Variants in MBP observed in about 807,000 individuals in gnomAD.
The protein encoded by MBP is myelin basic protein.
Under a neutral mutation model 35.8 loss-of-function variants are expected in MBP, and 16 were observed. That is an observed-to-expected ratio of 0.45 (90% confidence interval 0.30 to 0.68). The LOEUF (loss-of-function observed/expected upper bound fraction) is 0.68, where lower values mean the gene tolerates loss of function less well. MBP is among the 30% of genes least tolerant of loss of function. The pLI is 0.08. For missense variants in MBP, 380 were observed against 404.7 expected (o/e 0.94, Z 0.52); for synonymous variants, 143 against 159.6 (o/e 0.90, Z 0.78).
At chr18:76,987,090 A>C in intron 7 of MBP, 1 of 985,464 alleles carries the variant, frequency 1.0e-6, no homozygotes, top group Non-Finnish European at 1.2e-6. Context: ...GCAGGGAGGA[A>C]TGCAAGGGTC....
chr18:77,057,363 A>T (rs1226001057), intron 3 of MBP, among the ~76,000 whole-genome samples: 1 of 152,018 alleles, frequency 6.6e-6, no homozygotes, highest in East Asian at 1.9e-4. Context: ...TCATCCCCCA[A>T]CTTGTGATTT....
chr18:77,039,358 G>A (rs78869223), intron 3 of MBP, among the ~76,000 whole-genome samples: 1 of 152,342 alleles, frequency 6.6e-6, no homozygotes, highest in Non-Finnish European at 1.5e-5. Flanking sequence ...CAACTCAGAA[G>A]TCAGATTTTT....
At chr18:77,051,309 G>A (rs1973479540) in intron 3 of MBP, among the ~76,000 whole-genome samples, 1 of 152,202 alleles carries the variant, frequency 6.6e-6, no homozygotes, top group African/African-American at 2.4e-5. Context: ...GGCGAATGAC[G>A]CGAGCATCTC....
rs1442214571 is a variant in MBP at position 77,028,999 on chromosome 18, C to T, written c.140-11731G>A. ...CCAGGCAGAGACGCTCCTCACTTCC[C>T]AGACGGGGTGGCGGCCGGGCAGAGG... On this transcript the variant is annotated intron_variant, in intron 3 of 8. Coordinates refer to ENST00000355994, the MANE Select transcript of MBP (RefSeq NM_001025101.2). Among the ~76,000 whole-genome samples, 3 of 111,058 alleles carry T rather than the reference C, an allele frequency of 2.7e-5. 1 individual carries two copies. Among genetic ancestry groups the T allele is most frequent in the South Asian group, 5.8e-4 (2 of 3,476 alleles). 72.9% of individuals were successfully genotyped at this position (111,058 alleles called of 152,430 possible). A position where few individuals can be genotyped will look rare whatever the true frequency, so the allele number is the denominator to read the frequency against.
At chr18:77,118,685 A>C (rs1339802574) in intron 1 of MBP, among the ~76,000 whole-genome samples, 2 of 139,028 alleles carry the variant, frequency 1.4e-5, no homozygotes, top group Non-Finnish European at 3.1e-5. Context: ...CACACACACC[A>C]CACACACACT....
At chr18:77,118,613 C>CAG (rs1491437224) in intron 1 of MBP, among the ~76,000 whole-genome samples, 3 of 30,674 alleles carry the variant, frequency 9.8e-5, no homozygotes, top group Non-Finnish European at 2.6e-4. Context: ...CCACAGACAC[C>CAG]ACACACACAC....
At chr18:77,090,980 C>T (rs1975496288) in intron 2 of MBP, among the ~76,000 whole-genome samples, 1 of 152,240 alleles carries the variant, frequency 6.6e-6, no homozygotes, top group Non-Finnish European at 1.5e-5. Flanking sequence ...AGCTGGAGCC[C>T]AGGCCTGCTG....
At chr18:77,097,060 G>T (rs527237149) in intron 2 of MBP, among the ~76,000 whole-genome samples, 49 of 152,322 alleles carry the variant, frequency 3.2e-4, no homozygotes, top group African/African-American at 1.1e-3. Context: ...CACTGGGGAA[G>T]GGTACAGGGT....
At chr18:77,014,402 C>A in intron 4 of MBP, 2 of 985,394 alleles carry the variant, frequency 2.0e-6, no homozygotes, top group Non-Finnish European at 1.2e-6. Context: ...CCAGGAAAAC[C>A]TCGTTCTAGA....
chr18:77,032,541 G>A (rs1207206952), intron 3 of MBP, among the ~76,000 whole-genome samples: 1 of 152,220 alleles, frequency 6.6e-6, no homozygotes, highest in African/African-American at 2.4e-5. Flanking sequence ...GGGTGGGGAC[G>A]GGGTCGGCGA....
At chr18:77,029,851 A>G (rs1476486098) in intron 3 of MBP, among the ~76,000 whole-genome samples, 2 of 151,908 alleles carry the variant, frequency 1.3e-5, no homozygotes, top group Non-Finnish European at 2.9e-5. Flanking sequence ...GTCCTCTACC[A>G]CCAGGAAATT....
chr18:77,120,006 C>G (rs965312565), intron 1 of MBP, among the ~76,000 whole-genome samples: 2 of 152,310 alleles, frequency 1.3e-5, no homozygotes, highest in African/African-American at 4.8e-5. Context: ...CCAGGGCAGA[C>G]AGGGACCCTA....
At chr18:76,995,036 C>T (rs996430729) in intron 4 of MBP, among the ~76,000 whole-genome samples, 2 of 152,056 alleles carry the variant, frequency 1.3e-5, no homozygotes, top group African/African-American at 4.8e-5. Flanking sequence ...GACATTTAGT[C>T]AATTATATAT....
intron 2 of MBP, among the ~76,000 whole-genome samples, chr18:77,082,496 G>T (rs1974992117): frequency 1.3e-5 from 2 of 152,204 alleles, no homozygotes; most frequent in Non-Finnish European, 2.9e-5. Context: ...TAGGTATGGA[G>T]TTTCTTTCAG....
intron 2 of MBP, among the ~76,000 whole-genome samples, chr18:77,100,822 G>C (rs1036855020): frequency 1.9e-4 from 29 of 151,970 alleles, no homozygotes; most frequent in Admixed American, 5.9e-4. Flanking sequence ...CGCAGTGCTG[G>C]GATTCCAGGT....
chr18:77,116,832 A>C (rs1185956201), intron 1 of MBP, among the ~76,000 whole-genome samples: 2 of 151,890 alleles, frequency 1.3e-5, no homozygotes, highest in Non-Finnish European at 2.9e-5. Context: ...GGGCCACTGC[A>C]CTCCAGCCTG....
chr18:77,044,969 AGT>A lies in MBP; in HGVS notation c.139+21327_139+21328del, dbSNP rs1292952300. Among the ~76,000 whole-genome samples, 1 of 132,430 alleles carries A rather than the reference AGT, an allele frequency of 7.6e-6. No individual in the cohort carries two copies. Among genetic ancestry groups the A allele is most frequent in the African/African-American group, 2.8e-5 (1 of 35,238 alleles). 86.9% of individuals were successfully genotyped at this position (132,430 alleles called of 152,430 possible). On this transcript the variant is annotated intron_variant, in intron 3 of 8. Transcript: ENST00000355994. This position sits in a 1 kb window ranked among gnomAD's most constrained non-coding sequence, Gnocchi z 4.4. Reference sequence around the variant, plus strand: ...TGTGTGTGTGTAAGTGTGGTGTGTGAGTGTGGAGTGTGTGAGTGTTCAAGATT... The same window carrying A: ...TGTGTGTGTGTAAGTGTGGTGTGTGAGTGGAGTGTGTGAGTGTTCAAGATT...
At chr18:77,028,937 A>G (rs1482590560) in intron 3 of MBP, among the ~76,000 whole-genome samples, 15 of 87,612 alleles carry the variant, frequency 1.7e-4, no homozygotes, top group East Asian at 4.5e-4. Context: ...CAGACTGGGC[A>G]GCCAGGCAGA....
intron 8 of MBP, 161 bp from the exon 9 acceptor site, chr18:76,980,632 C>T (rs1037111283): frequency 9.7e-6 from 6 of 615,908 alleles, no homozygotes; most frequent in African/African-American, 9.2e-5. Flanking sequence ...CATTCCATTT[C>T]TCCCGACCTC....
Sources: gnomAD v4.1 joint callset for allele counts (sites outside exome capture counted in the v4.1 genomes callset) on GRCh38, gnomAD v4.1.1 for gene constraint, Gnocchi (gnomAD v3.1) non-coding constraint, MANE v1.5 for transcripts, NCBI Gene and HGNC (gene_info 2026-07-23, HGNC 2026-07-21) for gene names.